Variants in GASK1A observed in about 807,000 individuals in gnomAD.
GASK1A encodes the protein golgi associated kinase 1A.
Under a neutral mutation model 41.2 loss-of-function variants are expected in GASK1A, and 40 were observed. That is an observed-to-expected ratio of 0.97 (90% CI 0.75 to 1.27). The LOEUF is 1.27. Ranked by LOEUF, GASK1A falls within the 50% of genes most tolerant of loss-of-function variation. The pLI is 0.00. For missense variants in GASK1A, 678 were observed against 745.1 expected (o/e 0.91, Z 1.05); for synonymous variants, 316 against 307.1 (o/e 1.03, Z -0.30).
chr3:42,994,322 A>G (rs1016112494), intron 1 of GASK1A, among the ~76,000 whole-genome samples: 1 of 152,104 alleles, frequency 6.6e-6, no homozygotes, highest in Non-Finnish European at 1.5e-5. Context: ...TGGGCAGAGG[A>G]CAACACCAGG....
At position 43,032,767 on chromosome 3, in the gene GASK1A, C is replaced by T; in HGVS notation, c.504C>T (p.Val168=). ...TCCAGGAGACACAGAGTGAGGTGGT[C>T]ACCCTGGTCAGTCCACTCCCAGGGA... ...SPIQETQSEV[V]TLVSPLPGSD... is the part of the protein sequence containing the mutation. The change falls in exon 2 of 5, where the codon GTC becomes GTT. Residue 168 remains valine, a synonymous_variant. Coordinates refer to ENST00000430121, the MANE Select transcript of GASK1A (RefSeq NM_001129908.3). 6.4e-7 allele frequency: 1 copy of T among 1,551,116 alleles called. No individual in the cohort carries two copies.
intron 2 of GASK1A, among the ~76,000 whole-genome samples, chr3:43,044,472 C>T (rs1264272999): frequency 6.6e-6 from 1 of 152,186 alleles, no homozygotes; most frequent in Non-Finnish European, 1.5e-5. Flanking sequence ...TCCATAACAA[C>T]CGCCTCCTGC....
intron 1 of GASK1A, among the ~76,000 whole-genome samples, chr3:43,023,328 C>T (rs1227948158): frequency 6.6e-6 from 1 of 152,222 alleles, no homozygotes; most frequent in Non-Finnish European, 1.5e-5. Context: ...CACGGCCCTG[C>T]TGACACCTTG....
In GASK1A at chr3:43,030,207, A is replaced by T. The variant is rs995119054; in HGVS notation, c.4-2060A>T. ...TTTTTAGTAGAGACAAAGTTTCGCC[A>T]TGTTGGCCAGGTTCGTCTCAAACTC... On this transcript the variant is annotated intron_variant, in intron 1 of 4. Coordinates refer to ENST00000430121, the MANE Select transcript of GASK1A (RefSeq NM_001129908.3). Among the ~76,000 whole-genome samples the T allele has an allele frequency of 4.6e-5, 7 of 152,340 alleles. No homozygotes were observed. In the South Asian group the frequency reaches 1.4e-3, roughly 32 times the overall value.
Position 43,056,492 on chromosome 3 carries a change from A to C in GASK1A, c.*106A>C, listed in dbSNP as rs972848392. 6.9e-6 allele frequency: 7 copies of C among 1,014,032 alleles called. No homozygotes were observed. 62.8% of individuals were successfully genotyped at this position (1,014,032 alleles called of 1,614,324 possible). ...GAAAAGCCAGAAGCCAGAGGGGCAC[A>C]AGGATGTCACGGGATATTTCACCTG... On this transcript the variant is annotated 3_prime_UTR_variant, in exon 5 of 5. Coordinates refer to ENST00000430121, the MANE Select transcript of GASK1A (RefSeq NM_001129908.3).
chr3:42,992,967 T>C (rs2089349558), intron 1 of GASK1A, among the ~76,000 whole-genome samples: 1 of 152,196 alleles, frequency 6.6e-6, no homozygotes, highest in African/African-American at 2.4e-5. Flanking sequence ...TTTGAGCAGT[T>C]TGAACATTCA....
intron 1 of GASK1A, among the ~76,000 whole-genome samples, chr3:43,013,296 C>T (rs2089473352): frequency 6.6e-6 from 1 of 150,694 alleles, no homozygotes; most frequent in Non-Finnish European, 1.5e-5. Context: ...CAGGTAGAGG[C>T]TCTGTGAATC....
intron 2 of GASK1A, chr3:43,037,343 T>C: frequency 1.1e-6 from 1 of 908,870 alleles, no homozygotes; most frequent in Non-Finnish European, 1.9e-6. Flanking sequence ...CCTTGAATAA[T>C]GACTCTAAAA....
At chr3:43,051,870 C>T (rs534962325) in intron 2 of GASK1A, among the ~76,000 whole-genome samples, 1 of 152,288 alleles carries the variant, frequency 6.6e-6, no homozygotes, top group South Asian at 2.1e-4. Context: ...TTTCCAGGTT[C>T]CCAGGCTGAT....
chr3:43,011,026 A>G (rs1251728193), intron 1 of GASK1A, among the ~76,000 whole-genome samples: 1 of 152,132 alleles, frequency 6.6e-6, no homozygotes, highest in African/African-American at 2.4e-5. Flanking sequence ...TAAAATATCT[A>G]TAGTGTTTTT....
intron 1 of GASK1A, among the ~76,000 whole-genome samples, chr3:43,008,090 G>A (rs1345353770): frequency 6.6e-6 from 1 of 152,234 alleles, no homozygotes; most frequent in African/African-American, 2.4e-5. Flanking sequence ...AACTGATGGA[G>A]TTAGCTAGAC....
At position 43,022,492 on chromosome 3, in the gene GASK1A, GA is replaced by G. The variant is rs71616074; in HGVS notation, c.4-9762del. ...ATTCAACACATTTTTCATTGTAGAA[GA>G]AAAAAAAAAAAACCAAGCCAACTTG... On this transcript the variant is annotated intron_variant, in intron 1 of 4. Coordinates refer to ENST00000430121, the MANE Select transcript of GASK1A (RefSeq NM_001129908.3). 5.6e-3 allele frequency among the ~76,000 whole-genome samples: 779 copies of G among 140,156 alleles called. 8 individuals carry two copies. The highest frequency in any genetic ancestry group is 0.017 in the African/African-American group (631 of 37,446). 91.9% of individuals were successfully genotyped at this position (140,156 alleles called of 152,430 possible). A position where few individuals can be genotyped will look rare whatever the true frequency, so the allele number is the denominator to read the frequency against.
intron 2 of GASK1A, among the ~76,000 whole-genome samples, chr3:43,044,941 G>A (rs1319006334): frequency 6.6e-6 from 1 of 152,116 alleles, no homozygotes; most frequent in East Asian, 1.9e-4. Flanking sequence ...CTAGTATGGA[G>A]GCTGTGAAGG....
intron 1 of GASK1A, among the ~76,000 whole-genome samples, chr3:43,012,890 G>A (rs2089470820): frequency 6.7e-6 from 1 of 149,926 alleles, no homozygotes; most frequent in African/African-American, 2.5e-5. Context: ...GGGGCTATGT[G>A]AAGTCAGAGA....
chr3:42,994,352 C>G (rs1189933565), intron 1 of GASK1A, among the ~76,000 whole-genome samples: 1 of 151,998 alleles, frequency 6.6e-6, no homozygotes, highest in Non-Finnish European at 1.5e-5. Flanking sequence ...GAGGCAGGAG[C>G]CGGGCCTAGG....
At chr3:43,038,118 TG>T (rs1316157189) in intron 2 of GASK1A, among the ~76,000 whole-genome samples, 1 of 152,210 alleles carries the variant, frequency 6.6e-6, no homozygotes, top group Non-Finnish European at 1.5e-5. Context: ...AAGATGCAAA[TG>T]ACCTTTCAAA....
intron 1 of GASK1A, among the ~76,000 whole-genome samples, chr3:42,983,870 A>G (rs2089293866): frequency 6.6e-6 from 1 of 152,204 alleles, no homozygotes; most frequent in Non-Finnish European, 1.5e-5. Context: ...GGTTGATCCA[A>G]AAAACAGGGA....
At chr3:43,024,900 G>A (rs148886604) in intron 1 of GASK1A, among the ~76,000 whole-genome samples, 236 of 152,264 alleles carry the variant, frequency 1.5e-3, no homozygotes, top group Middle Eastern at 6.8e-3. Flanking sequence ...AGCACACGGC[G>A]AGGACATCCA....
At chr3:42,988,088 T>C (rs187180297) in intron 1 of GASK1A, among the ~76,000 whole-genome samples, 2 of 150,752 alleles carry the variant, frequency 1.3e-5, no homozygotes, top group African/African-American at 4.9e-5. Context: ...CCACCTTGCC[T>C]GTGGTCCCTG....
Sources: allele counts gnomAD v4.1 joint callset (sites outside exome capture counted in the v4.1 genomes callset), GRCh38; gene constraint gnomAD v4.1.1; transcripts MANE v1.5; gene names NCBI Gene and HGNC (gene_info 2026-07-23, HGNC 2026-07-21).